Variants in SPIDR observed in about 807,000 individuals in gnomAD.
SPIDR encodes DNA repair-scaffolding protein.
In SPIDR, 93 loss-of-function variants were observed where a neutral mutation model predicts 104.6. The ratio of observed to expected loss-of-function variants is 0.89; its 90% CI spans 0.75 to 1.06. The LOEUF (loss-of-function observed/expected upper bound fraction) is 1.06. SPIDR is among the 50% of genes least tolerant of loss of function. The probability of loss-of-function intolerance (pLI) is 0.00; values close to 1 mark genes in which losing one functional copy is unlikely to be tolerated. For missense variants in SPIDR, 1,154 were observed against 1,111.2 expected (o/e 1.04, Z -0.55); for synonymous variants, 431 against 416.9 (o/e 1.03, Z -0.41).
chr8:47,560,392 A>G (rs778099660), intron 8 of SPIDR, among the ~76,000 whole-genome samples: 5 of 152,138 alleles, frequency 3.3e-5, no homozygotes, highest in Non-Finnish European at 5.9e-5. Flanking sequence ...GTCTTTGAGT[A>G]CTGGGTAGCC....
intron 5 of SPIDR, among the ~76,000 whole-genome samples, chr8:47,308,061 G>GTTTGT (rs1159973392): frequency 4.6e-5 from 7 of 151,718 alleles, no homozygotes; most frequent in African/African-American, 9.7e-5. Flanking sequence ...AGCATTTGCT[G>GTTTGT]TTTGTTTTGT....
chr8:47,269,019 T>G (rs2034685554), intron 1 of SPIDR, among the ~76,000 whole-genome samples: 1 of 151,662 alleles, frequency 6.6e-6, no homozygotes, highest in African/African-American at 2.4e-5. Context: ...ACACAAAAAT[T>G]AGCAGGATGT....
At chr8:47,625,087 A>G (rs910216153) in intron 10 of SPIDR, among the ~76,000 whole-genome samples, 4 of 152,174 alleles carry the variant, frequency 2.6e-5, no homozygotes, top group Non-Finnish European at 4.4e-5. Context: ...TTCAACATAC[A>G]CAAATCAATA....
intron 5 of SPIDR, among the ~76,000 whole-genome samples, chr8:47,305,115 A>C (rs2042897357): frequency 6.6e-6 from 1 of 152,220 alleles, no homozygotes; most frequent in South Asian, 2.1e-4. Context: ...TGTTAAAGCA[A>C]AGCAAAGTGG....
chr8:47,289,397 G>C (rs1243146787), intron 3 of SPIDR, among the ~76,000 whole-genome samples: 1 of 151,886 alleles, frequency 6.6e-6, no homozygotes, highest in Non-Finnish European at 1.5e-5. Context: ...ATACTGCATA[G>C]GATAAGATAT....
intron 16 of SPIDR, among the ~76,000 whole-genome samples, chr8:47,725,460 C>T (rs954258345): frequency 2.0e-5 from 3 of 152,116 alleles, no homozygotes; most frequent in Admixed American, 1.3e-4. Context: ...GGCGTGATCT[C>T]GGCTGACTAC....
At chr8:47,401,101 T>A (rs1177269819) in intron 6 of SPIDR, among the ~76,000 whole-genome samples, 1 of 152,066 alleles carries the variant, frequency 6.6e-6, no homozygotes, top group Non-Finnish European at 1.5e-5. Flanking sequence ...GTCGGGTTAC[T>A]CACAAAGAGA....
intron 19 of SPIDR, among the ~76,000 whole-genome samples, chr8:47,732,910 T>G (rs2154494861): frequency 6.6e-6 from 1 of 152,336 alleles, no homozygotes; most frequent in East Asian, 1.9e-4. Context: ...ATAGTAACAT[T>G]ATTGTGGCAT....
chr8:47,597,059 T>G (rs576591639), intron 9 of SPIDR, among the ~76,000 whole-genome samples: 2 of 152,284 alleles, frequency 1.3e-5, no homozygotes, highest in Middle Eastern at 6.8e-3. Flanking sequence ...CTAAGGATGT[T>G]TTACAGATAA....
chr8:47,487,112 T>C (rs553673245), intron 8 of SPIDR, among the ~76,000 whole-genome samples: 251 of 152,294 alleles, frequency 1.6e-3, no homozygotes, highest in African/African-American at 5.8e-3. Flanking sequence ...ACCCATCTGA[T>C]GTGCAGAGAC....
intron 8 of SPIDR, among the ~76,000 whole-genome samples, chr8:47,572,287 A>G (rs1044475565): frequency 3.3e-5 from 5 of 152,182 alleles, no homozygotes; most frequent in African/African-American, 9.7e-5. Flanking sequence ...ACATACATCT[A>G]TCTTTAACTA....
At chr8:47,298,163 G>C (rs921800464) in intron 5 of SPIDR, among the ~76,000 whole-genome samples, 14 of 152,222 alleles carry the variant, frequency 9.2e-5, no homozygotes, top group Admixed American at 1.3e-4. Context: ...ACTGGTGTGA[G>C]ATGGTATCTC....
chr8:47,652,945 C>T (rs2071947346), intron 10 of SPIDR, among the ~76,000 whole-genome samples: 1 of 152,134 alleles, frequency 6.6e-6, no homozygotes, highest in Non-Finnish European at 1.5e-5. Flanking sequence ...CTAGTAGGCC[C>T]ACTACAGTAG....
At chr8:47,527,297 C>T (rs965762817) in intron 8 of SPIDR, 1 of 152,150 alleles carries the variant, frequency 6.6e-6, no homozygotes, top group African/African-American at 2.4e-5. Flanking sequence ...ACACCAACTC[C>T]AGATTTCCTC....
At chr8:47,364,404 A>G (rs1169161558) in intron 5 of SPIDR, among the ~76,000 whole-genome samples, 1 of 152,192 alleles carries the variant, frequency 6.6e-6, no homozygotes, top group Non-Finnish European at 1.5e-5. Flanking sequence ...ATTTGGGTCA[A>G]AAGTAATCAA....
At chr8:47,385,235 T>C (rs1023898680) in intron 5 of SPIDR, among the ~76,000 whole-genome samples, 4 of 152,210 alleles carry the variant, frequency 2.6e-5, no homozygotes, top group Non-Finnish European at 5.9e-5. Context: ...TGTTCTTCTG[T>C]ATTTTTTTGT....
chr8:47,731,537 G>A lies in SPIDR; in HGVS notation c.2604+2072G>A, dbSNP rs114985548. Among the ~76,000 whole-genome samples the A allele has an allele frequency of 5.0e-3, 765 of 152,374 alleles. 8 individuals carry two copies. Among genetic ancestry groups the A allele is most frequent in the African/African-American group, 0.017 (723 of 41,592 alleles). ...AGAGCCCATATTTCCCTGCTAGGGG[G>A]ATGAGTGCAGTGCCCAAGGCAAAGA... is the stretch of plus-strand genomic sequence containing the variant. On this transcript the variant is annotated intron_variant, in intron 19 of 19. Coordinates refer to ENST00000297423, the MANE Select transcript of SPIDR (RefSeq NM_001080394.4).
intron 10 of SPIDR, among the ~76,000 whole-genome samples, chr8:47,609,038 C>T (rs777124548): frequency 5.9e-5 from 9 of 152,142 alleles, no homozygotes; most frequent in Non-Finnish European, 1.2e-4. Context: ...AGCATCTTTT[C>T]ATAGGCTATT....
chr8:47,368,819 G>A lies in SPIDR; in HGVS notation c.526-27557G>A, dbSNP rs113905911. Among the ~76,000 whole-genome samples, 752 of 152,226 alleles carry A rather than the reference G, an allele frequency of 4.9e-3. 1 individual carries two copies. Among genetic ancestry groups the A allele is most frequent in the Non-Finnish European group, 8.3e-3 (563 of 68,020 alleles). ...ATTAGCATCAAAGAATTCTGGGCAC[G>A]ATTTTTAAAAACTGAAAAGGGAAAT... is the stretch of plus-strand genomic sequence containing the variant. On this transcript the variant is annotated intron_variant, in intron 5 of 19. Transcript: ENST00000297423.
Sources: gnomAD v4.1 joint callset for allele counts (sites outside exome capture counted in the v4.1 genomes callset) on GRCh38, gnomAD v4.1.1 for gene constraint, MANE v1.5 for transcripts, NCBI Gene and HGNC (gene_info 2026-07-23, HGNC 2026-07-21) for gene names.